Variants in WWC2 observed in about 807,000 individuals in gnomAD.
WWC2 encodes the protein WW and C2 domain containing 2.
In WWC2, 101 loss-of-function variants were observed where a neutral mutation model predicts 138.5. The ratio of observed to expected loss-of-function variants is 0.73; its 90% CI spans 0.62 to 0.86. The LOEUF (loss-of-function observed/expected upper bound fraction) is 0.86, where lower values mean the gene tolerates loss of function less well. Ranked by LOEUF, WWC2 falls within the 40% of genes least tolerant of loss-of-function variation. The pLI is 0.00. For synonymous variants in WWC2, 558 were observed against 538.4 expected (o/e 1.04, Z -0.50); for missense variants, 1,420 against 1,419.4 (o/e 1.00, Z -0.01).
chr4:183,279,862 T>C (rs987885810), intron 16 of WWC2, among the ~76,000 whole-genome samples: 2 of 152,200 alleles, frequency 1.3e-5, no homozygotes, highest in Non-Finnish European at 2.9e-5. Context: ...GATATGCTAA[T>C]GTGATTTTCT....
chr4:183,133,376 T>A (rs930685757), intron 1 of WWC2, among the ~76,000 whole-genome samples: 19 of 152,280 alleles, frequency 1.2e-4, no homozygotes, highest in Middle Eastern at 6.8e-3. Context: ...TTAAGATGTA[T>A]TCTGGTTTTA....
chr4:183,232,073 C>A (rs756141229), intron 4 of WWC2, among the ~76,000 whole-genome samples: 2 of 152,130 alleles, frequency 1.3e-5, no homozygotes, highest in Non-Finnish European at 2.9e-5. Context: ...CCTGACACAC[C>A]ACTGGAAAGG....
chr4:183,184,648 T>C (rs1734740055), intron 1 of WWC2, among the ~76,000 whole-genome samples: 1 of 152,212 alleles, frequency 6.6e-6, no homozygotes, highest in Non-Finnish European at 1.5e-5. Flanking sequence ...TCGTGTCTTT[T>C]GTGTATGTGT....
At chr4:183,264,232 G>A (rs537286448) in intron 11 of WWC2, among the ~76,000 whole-genome samples, 2 of 152,286 alleles carry the variant, frequency 1.3e-5, no homozygotes, top group East Asian at 1.9e-4. Flanking sequence ...CGGCTCAGAA[G>A]GGGGCCAAAA....
chr4:183,166,740 G>A (rs560660683), intron 1 of WWC2, among the ~76,000 whole-genome samples: 31 of 152,254 alleles, frequency 2.0e-4, no homozygotes, highest in African/African-American at 7.5e-4. Context: ...TGGACCCTCA[G>A]GTGTCTAGAA....
intron 16 of WWC2, among the ~76,000 whole-genome samples, chr4:183,279,216 TGC>T (rs1737980077): frequency 6.6e-6 from 1 of 152,106 alleles, no homozygotes; most frequent in Non-Finnish European, 1.5e-5. Context: ...AGGCTTTTTC[TGC>T]ATCTATTGAG....
intron 14 of WWC2, among the ~76,000 whole-genome samples, chr4:183,268,620 C>G (rs932575892): frequency 2.0e-5 from 3 of 152,176 alleles, no homozygotes; most frequent in Admixed American, 6.5e-5. Context: ...CCTTCCCAGG[C>G]TCAGAAATAA....
At chr4:183,117,026 G>C (rs913451998) in intron 1 of WWC2, among the ~76,000 whole-genome samples, 2 of 151,900 alleles carry the variant, frequency 1.3e-5, no homozygotes, top group Non-Finnish European at 2.9e-5. Flanking sequence ...TTCTAAAAAC[G>C]GTTCAGTGTT....
At chr4:183,113,518 GCGCGCGTGCGCGCGCACATGCA>G (rs1579949825) in intron 1 of WWC2, among the ~76,000 whole-genome samples, 1 of 142,834 alleles carries the variant, frequency 7.0e-6, no homozygotes, top group East Asian at 2.1e-4. Context: ...GTGTGTGTGC[GCGCGCGTGCGCGCGCACATGCA>G]CGTGCATGCA....
chr4:183,318,334 A>G lies in WWC2; in HGVS notation c.*2605A>G, dbSNP rs1327082242. On this transcript the variant is annotated 3_prime_UTR_variant, in exon 23 of 23. Coordinates refer to ENST00000403733, the MANE Select transcript of WWC2 (RefSeq NM_024949.6). Reference sequence around the variant, plus strand: ...TTTATCTATATTGTCTTAAATATCAAAAGCTCAGGACTGAACTTAATATTT... The same window carrying G: ...TTTATCTATATTGTCTTAAATATCAGAAGCTCAGGACTGAACTTAATATTT... The G allele has an allele frequency of 6.6e-6, 1 of 152,632 alleles. No individual in the cohort carries two copies. The highest frequency in any genetic ancestry group is 2.4e-5 in the African/African-American group (1 of 41,446). 9.5% of individuals were successfully genotyped at this position (152,632 alleles called of 1,614,324 possible).
At chr4:183,147,695 T>G (rs1733501957) in intron 1 of WWC2, among the ~76,000 whole-genome samples, 2 of 152,228 alleles carry the variant, frequency 1.3e-5, no homozygotes, top group South Asian at 4.1e-4. Flanking sequence ...CCTTTTTCAT[T>G]TAGGATTTCA....
chr4:183,206,420 T>C (rs1735448363), intron 2 of WWC2, among the ~76,000 whole-genome samples: 1 of 152,156 alleles, frequency 6.6e-6, no homozygotes, highest in Non-Finnish European at 1.5e-5. Flanking sequence ...TCGGATACAA[T>C]ATCCTGCTAG....
At chr4:183,308,413 C>G (rs144586063) in intron 21 of WWC2, among the ~76,000 whole-genome samples, 16 of 152,252 alleles carry the variant, frequency 1.1e-4, no homozygotes, top group African/African-American at 3.9e-4. Flanking sequence ...GAATAGCCAA[C>G]ACAGTATTGA....
chr4:183,225,477 A>G (rs1472371349), intron 4 of WWC2, among the ~76,000 whole-genome samples: 1 of 152,270 alleles, frequency 6.6e-6, no homozygotes, highest in Non-Finnish European at 1.5e-5. Context: ...TACTTTTTGT[A>G]TCAAAGTAAT....
chr4:183,303,060 CAAAAA>C (rs35439586), intron 21 of WWC2, among the ~76,000 whole-genome samples: 3 of 82,556 alleles, frequency 3.6e-5, no homozygotes, highest in African/African-American at 4.8e-5. Context: ...GACTCCATCT[CAAAAA>C]AAAAAAAAAA....
intron 4 of WWC2, among the ~76,000 whole-genome samples, chr4:183,224,537 A>G (rs1389131690): frequency 6.6e-6 from 1 of 151,970 alleles, no homozygotes. Context: ...AACAGAGTTG[A>G]GGTTTTTGTT....
At chr4:183,228,250 G>C (rs1319710426) in intron 4 of WWC2, among the ~76,000 whole-genome samples, 1 of 152,068 alleles carries the variant, frequency 6.6e-6, no homozygotes, top group Admixed American at 6.5e-5. Context: ...AGGACCATGA[G>C]TCTGTAATGT....
chr4:183,286,810 A>C (rs1738269050), intron 20 of WWC2, among the ~76,000 whole-genome samples: 1 of 152,122 alleles, frequency 6.6e-6, no homozygotes, highest in Non-Finnish European at 1.5e-5. Context: ...CACAACACAC[A>C]CAGGACTGTC....
At chr4:183,119,228 C>T (rs1732522879) in intron 1 of WWC2, among the ~76,000 whole-genome samples, 1 of 152,152 alleles carries the variant, frequency 6.6e-6, no homozygotes, top group Non-Finnish European at 1.5e-5. Context: ...GATGAATTTC[C>T]ATGAATTCCC....
Sources: gnomAD v4.1 joint callset for allele counts (sites outside exome capture counted in the v4.1 genomes callset) on GRCh38, gnomAD v4.1.1 for gene constraint, MANE v1.5 for transcripts, NCBI Gene and HGNC (gene_info 2026-07-23, HGNC 2026-07-21) for gene names.